DENND2B: variants seen among roughly 807,000 people sequenced by gnomAD.
The protein encoded by DENND2B is DENN domain containing 2B.
In DENND2B, 32 loss-of-function variants were observed where a neutral mutation model predicts 116.0. That is an observed-to-expected ratio of 0.28 (90% CI 0.21 to 0.37). DENND2B has a LOEUF of 0.37. Ranked by LOEUF, DENND2B falls within the 10% of genes least tolerant of loss-of-function variation. The pLI, the probability that DENND2B is intolerant of heterozygous loss-of-function variation, is 1.00. For synonymous variants in DENND2B, 588 were observed against 583.9 expected, an observed-to-expected ratio of 1.01 and a Z score of -0.10; for missense variants, 1,276 against 1,477.7, an observed-to-expected ratio of 0.86 and a Z score of 2.24.
chr11:8,881,183 TA>T (rs1016821174), intron 1 of DENND2B: 1 of 152,218 alleles, frequency 6.6e-6, no homozygotes, highest in Non-Finnish European at 1.5e-5. Context: ...TGGAAGCTTG[TA>T]GGATATTTTC....
At chr11:8,810,740 C>G (rs897050927), upstream of DENND2B, 3 of 152,298 alleles carry the variant, frequency 2.0e-5, no homozygotes, top group Non-Finnish European at 4.4e-5. Context: ...GGCGGGCGCG[C>G]GCACAGCGGC....
intron 1 of DENND2B, among the ~76,000 whole-genome samples, chr11:8,793,163 G>A (rs1280924207): frequency 6.6e-6 from 1 of 152,186 alleles, no homozygotes; most frequent in Non-Finnish European, 1.5e-5. Flanking sequence ...ATGTTTTTCA[G>A]TACAGTATAA....
rs568693834 is a variant in DENND2B at position 8,807,100 on chromosome 11, G to A, written c.-26+3417C>T. 1.1e-4 allele frequency among the ~76,000 whole-genome samples: 17 copies of A among 152,072 alleles called. No homozygotes were observed. In the South Asian group the frequency reaches 1.7e-3, roughly 15 times the overall value. ...CAGAAGGAAGGCCAAGCCAGGGCTC[G>A]GAAGGGCTGCTGCCAGGCCTCCTCC... is the stretch of plus-strand genomic sequence containing the variant. On this transcript the variant is annotated intron_variant, in intron 1 of 19. Coordinates refer to ENST00000313726, the MANE Select transcript of DENND2B (RefSeq NM_213618.2).
intron 4 of DENND2B, chr11:8,718,438 G>A (rs551838534): frequency 3.8e-5 from 58 of 1,520,924 alleles, no homozygotes; most frequent in Middle Eastern, 1.7e-4. Context: ...CTACGATGCC[G>A]TTCAACAAGT....
intron 1 of DENND2B, among the ~76,000 whole-genome samples, chr11:8,892,536 T>C (rs1807277272): frequency 1.3e-5 from 2 of 151,754 alleles, no homozygotes; most frequent in Non-Finnish European, 2.9e-5. Context: ...AAGAATCAAA[T>C]AGACACAATA....
chr11:8,796,696 A>G (rs1213253504), intron 1 of DENND2B, among the ~76,000 whole-genome samples: 3 of 151,882 alleles, frequency 2.0e-5, no homozygotes, highest in African/African-American at 7.3e-5. Context: ...ATTTACAAAC[A>G]CTAGTTTACT....
chr11:8,830,505 T>G (rs74548085), intron 4 of DENND2B, among the ~76,000 whole-genome samples: 3,596 of 152,298 alleles, frequency 0.024, 47 homozygotes, highest in Middle Eastern at 0.034. Flanking sequence ...TAAGCTTTAT[T>G]TAATATTTGC....
chr11:8,864,133 GA>G (rs1233040328), intron 2 of DENND2B, among the ~76,000 whole-genome samples: 4 of 152,160 alleles, frequency 2.6e-5, no homozygotes, highest in Admixed American at 2.6e-4. Flanking sequence ...ATCCCCACAT[GA>G]TGAGCCTTAA....
chr11:8,741,922 C>G (rs200905271), intron 2 of DENND2B, among the ~76,000 whole-genome samples: 34,484 of 151,936 alleles, frequency 0.23, 4,121 homozygotes, highest in South Asian at 0.32. Context: ...GACAGTGTCT[C>G]ACTCTGTTGC....
intron 2 of DENND2B, among the ~76,000 whole-genome samples, chr11:8,736,013 G>A (rs139389790): frequency 6.6e-5 from 10 of 152,322 alleles, no homozygotes; most frequent in African/African-American, 1.9e-4. Flanking sequence ...GCCAAGAGAA[G>A]GGCAGGGCCT....
chr11:8,799,332 TTA>T (rs534128915), intron 1 of DENND2B, among the ~76,000 whole-genome samples: 52 of 152,282 alleles, frequency 3.4e-4, no homozygotes, highest in African/African-American at 1.2e-3. Context: ...CCTGTTCCAT[TTA>T]TGTTTCAACC....
intron 1 of DENND2B, chr11:8,757,203 T>C (rs1281147802): frequency 1.2e-5 from 5 of 414,038 alleles, no homozygotes; most frequent in Admixed American, 8.7e-5. Context: ...ACTTTGTCAC[T>C]ATAACAGCCA....
At chr11:8,898,160 T>A (rs185057312) in intron 1 of DENND2B, among the ~76,000 whole-genome samples, 29 of 152,312 alleles carry the variant, frequency 1.9e-4, no homozygotes, top group African/African-American at 6.5e-4. Flanking sequence ...GATGTTTAAG[T>A]ACAATCTCTT....
At chr11:8,840,318 T>A (rs2062582597) in intron 3 of DENND2B, among the ~76,000 whole-genome samples, 1 of 151,920 alleles carries the variant, frequency 6.6e-6, no homozygotes, top group African/African-American at 2.4e-5. Flanking sequence ...TCACCAAAAT[T>A]CCAGGGCACC....
chr11:8,837,578 C>T (rs1408034218), intron 4 of DENND2B, among the ~76,000 whole-genome samples: 1 of 151,966 alleles, frequency 6.6e-6, no homozygotes, highest in Non-Finnish European at 1.5e-5. Context: ...GAACTCCTGA[C>T]CTTGTGATCT....
intron 4 of DENND2B, among the ~76,000 whole-genome samples, chr11:8,722,235 C>G (rs192437834): frequency 1.1e-4 from 16 of 152,356 alleles, no homozygotes; most frequent in Non-Finnish European, 1.9e-4. Flanking sequence ...AAACCCTCCA[C>G]AACCCCCATT....
rs78433963 is a variant in DENND2B, at chr11:8,882,000, A to ATT, written c.-255-893_-255-892dup. On this transcript the variant is annotated intron_variant, in intron 1 of 22. Coordinates refer to the DENND2B transcript ENST00000534127. ...CCTTCTCTGTATACTCTTTAATTGGATTTTTTTTTCTTGGCTCTCTTCTAC... is the reference window on the plus strand; with the variant it reads ...CCTTCTCTGTATACTCTTTAATTGGATTTTTTTTTTTCTTGGCTCTCTTCTAC... 1.1e-4 allele frequency among the ~76,000 whole-genome samples: 16 copies of ATT among 150,684 alleles called. 1 individual carries two copies. Among genetic ancestry groups the ATT allele is most frequent in the Admixed American group, 8.6e-4 (13 of 15,154 alleles).
intron 19 of DENND2B, chr11:8,694,686 A>G (rs58235280): frequency 4.4e-6 from 2 of 455,000 alleles, no homozygotes; most frequent in South Asian, 3.1e-5. Context: ...TATTTGGGGG[A>G]AAAAATGGAT....
intron 1 of DENND2B, among the ~76,000 whole-genome samples, chr11:8,751,332 G>A (rs919242841): frequency 3.9e-5 from 6 of 152,258 alleles, no homozygotes; most frequent in South Asian, 2.1e-4. Context: ...TCGACTCTCC[G>A]TAAAATGGAC....
Sources: allele counts gnomAD v4.1 joint callset (sites outside exome capture counted in the v4.1 genomes callset), GRCh38; gene constraint gnomAD v4.1.1; transcripts MANE v1.5; gene names NCBI Gene and HGNC (gene_info 2026-07-23, HGNC 2026-07-21).